CNTN4: variants seen among roughly 807,000 people sequenced by gnomAD.
The protein encoded by CNTN4 is contactin 4, also known as contactin-4.
CNTN4 carries 77 observed loss-of-function variants against 122.5 expected under a neutral mutation model. The ratio of observed to expected loss-of-function variants is 0.63; its 90% CI spans 0.52 to 0.76. CNTN4 has a LOEUF of 0.76. CNTN4 is among the 30% of genes least tolerant of loss of function. The pLI is 0.00. For missense variants in CNTN4, 1,256 were observed against 1,259.1 expected (o/e 1.00, Z 0.04); for synonymous variants, 512 against 447.0 (o/e 1.15, Z -1.83).
intron 6 of CNTN4, among the ~76,000 whole-genome samples, chr3:2,786,784 G>A (rs2091849924): frequency 6.6e-6 from 1 of 152,094 alleles, no homozygotes; most frequent in Non-Finnish European, 1.5e-5. Context: ...AAAATTATTA[G>A]ATCCATTTCT....
At chr3:3,020,527 T>C (rs1698199950) in intron 14 of CNTN4, among the ~76,000 whole-genome samples, 1 of 152,046 alleles carries the variant, frequency 6.6e-6, no homozygotes, top group Non-Finnish European at 1.5e-5. Flanking sequence ...ACAGTAGGCT[T>C]TTTCCAGCCT....
chr3:2,164,796 G>A (rs1467796872), intron 2 of CNTN4, among the ~76,000 whole-genome samples: 3 of 152,008 alleles, frequency 2.0e-5, no homozygotes, highest in Admixed American at 6.5e-5. Flanking sequence ...CATGTTTGAC[G>A]GAAAAATGTG....
intron 2 of CNTN4, among the ~76,000 whole-genome samples, chr3:2,202,991 A>ATT (rs5846170): frequency 1.2e-3 from 169 of 139,902 alleles, no homozygotes; most frequent in Admixed American, 2.2e-3. Flanking sequence ...CTGGCTAATT[A>ATT]TTTTTTTTTT....
rs1700302339 is a variant in CNTN4 at position 3,042,964 on chromosome 3, T to C, written c.2512-13T>C. 2 of 1,610,070 alleles carry C rather than the reference T, an allele frequency of 1.2e-6. No individual in the cohort carries two copies. Among genetic ancestry groups the C allele is most frequent in the Non-Finnish European group, 1.7e-6 (2 of 1,176,532 alleles). ...GGGTATGGTTTCCAAGGTCTTTCTGTTTATCTTCTTAGGTTAAATATTGGA... is the reference window on the plus strand; with the variant it reads ...GGGTATGGTTTCCAAGGTCTTTCTGCTTATCTTCTTAGGTTAAATATTGGA... On this transcript the variant is annotated splice_polypyrimidine_tract_variant and intron_variant, in intron 21 of 24. Transcript: ENST00000418658.
intron 3 of CNTN4, among the ~76,000 whole-genome samples, chr3:2,474,869 A>G (rs1268673815): frequency 1.3e-5 from 2 of 152,182 alleles, no homozygotes; most frequent in Non-Finnish European, 2.9e-5. Context: ...TAGTATAATT[A>G]TTTTTAATGA....
intron 2 of CNTN4, among the ~76,000 whole-genome samples, chr3:2,287,049 T>G (rs911988796): frequency 3.3e-5 from 5 of 152,180 alleles, no homozygotes; most frequent in Non-Finnish European, 7.4e-5. Context: ...TCAGGGCACA[T>G]TGTCTCACTG....
chr3:2,870,411 A>T lies in CNTN4; in HGVS notation c.652+3462A>T, dbSNP rs2093771472. Reference sequence around the variant, plus strand: ...TGGAGTATATAAAATGGACACTCAAACTGTGTTACTAAGCACAAAATAGGT... The same window carrying T: ...TGGAGTATATAAAATGGACACTCAATCTGTGTTACTAAGCACAAAATAGGT... On this transcript the variant is annotated intron_variant, in intron 8 of 24. Coordinates refer to ENST00000418658, the MANE Select transcript of CNTN4 (RefSeq NM_175607.3). Among the ~76,000 whole-genome samples the T allele has an allele frequency of 2.6e-5, 4 of 152,166 alleles. No homozygotes were observed. The South Asian group carries it at 8.3e-4, about 32-fold the overall frequency.
At position 2,914,963 on chromosome 3, in the gene CNTN4, G is replaced by A. The variant is rs150384226; in HGVS notation, c.1208-10666G>A. 4.5e-4 allele frequency among the ~76,000 whole-genome samples: 68 copies of A among 152,264 alleles called. No individual in the cohort carries two copies. In the East Asian group the frequency reaches 6.9e-3, roughly 16 times the overall value. On this transcript the variant is annotated intron_variant, in intron 12 of 24. Transcript: ENST00000418658. ...GAATTATACCTGAAATGCAAAGATG[G>A]CTCAACATACAATAATCAGTTAATA... is the stretch of plus-strand genomic sequence containing the variant.
chr3:2,690,181 A>G (rs2085654257), intron 4 of CNTN4, among the ~76,000 whole-genome samples: 1 of 152,124 alleles, frequency 6.6e-6, no homozygotes, highest in Non-Finnish European at 1.5e-5. Flanking sequence ...TGTGTATTCT[A>G]CAGCTTCTGG....
At chr3:2,471,689 G>A (rs1472608728) in intron 3 of CNTN4, among the ~76,000 whole-genome samples, 1 of 152,290 alleles carries the variant, frequency 6.6e-6, no homozygotes, top group East Asian at 1.9e-4. Context: ...ATTCCAAAAT[G>A]AGGTGATCAT....
Position 2,886,948 on chromosome 3 carries a change from A to G in CNTN4, c.756-92A>G, listed in dbSNP as rs963487347. ...TGAAGTTTGCAAAACACCCAACCTT[A>G]TATGTGTAGAACCAAGAAGGAAGCG... On this transcript the variant is annotated intron_variant, in intron 9 of 24. Transcript: ENST00000418658. 4.7e-6 allele frequency: 5 copies of G among 1,063,906 alleles called. No individual in the cohort carries two copies. The African/African-American group carries it at 6.4e-5, about 14-fold the overall frequency. 65.9% of individuals were successfully genotyped at this position (1,063,906 alleles called of 1,614,324 possible).
chr3:2,762,550 A>G (rs181159231), intron 6 of CNTN4, among the ~76,000 whole-genome samples: 56 of 152,220 alleles, frequency 3.7e-4, no homozygotes, highest in African/African-American at 1.3e-3. Context: ...TTGTGTATGT[A>G]CCACATTTTC....
chr3:2,641,767 A>G (rs2082905829), intron 4 of CNTN4, among the ~76,000 whole-genome samples: 1 of 152,238 alleles, frequency 6.6e-6, no homozygotes, highest in Admixed American at 6.5e-5. Flanking sequence ...CTGTTTTGCC[A>G]GAGCTGATTG....
intron 2 of CNTN4, among the ~76,000 whole-genome samples, chr3:2,318,218 T>TAAAA (rs372313468): frequency 8.9e-6 from 1 of 112,680 alleles, no homozygotes. Flanking sequence ...AACTTGTCCC[T>TAAAA]AAAAAAAAAA....
intron 3 of CNTN4, among the ~76,000 whole-genome samples, chr3:2,393,373 A>G (rs1401837984): frequency 2.0e-5 from 3 of 152,188 alleles, no homozygotes; most frequent in Non-Finnish European, 2.9e-5. Context: ...GAGAGACACA[A>G]TTTAATGCGT....
chr3:2,204,506 G>A (rs1013080226), intron 2 of CNTN4, among the ~76,000 whole-genome samples: 7 of 152,008 alleles, frequency 4.6e-5, no homozygotes, highest in African/African-American at 1.2e-4. Context: ...TTGTTTTATT[G>A]GTTAAGCAAA....
At chr3:2,916,162 G>C (rs1176420391) in intron 12 of CNTN4, among the ~76,000 whole-genome samples, 1 of 152,076 alleles carries the variant, frequency 6.6e-6, no homozygotes, top group Non-Finnish European at 1.5e-5. Context: ...TGTCAAGATG[G>C]TAAATTTTAT....
chr3:2,328,641 C>T (rs147525361), intron 2 of CNTN4, among the ~76,000 whole-genome samples: 200 of 150,156 alleles, frequency 1.3e-3, no homozygotes, highest in African/African-American at 4.6e-3. Context: ...CGGATTCAAC[C>T]AACTGCGGAT....
rs1166722550 is a variant in CNTN4, at chr3:2,198,999, A to G, written c.-145+98360A>G. On this transcript the variant is annotated intron_variant, in intron 2 of 24. Coordinates refer to ENST00000418658, the MANE Select transcript of CNTN4 (RefSeq NM_175607.3). ...AGCCGAATCATCGTTTCACTAAGGC[A>G]AGGAAGAAGTGTCTTTCTGGGTCAT... Among the ~76,000 whole-genome samples, 3 of 152,190 alleles carry G rather than the reference A, an allele frequency of 2.0e-5. No individual in the cohort carries two copies. In the East Asian group the frequency reaches 5.8e-4, roughly 29 times the overall value.
Sources: allele counts gnomAD v4.1 joint callset (sites outside exome capture counted in the v4.1 genomes callset), GRCh38; gene constraint gnomAD v4.1.1; transcripts MANE v1.5; gene names NCBI Gene and HGNC (gene_info 2026-07-23, HGNC 2026-07-21).